The following ARHGAP21 variants were observed in gnomAD, a reference collection of about 807,000 sequenced individuals.
The protein encoded by ARHGAP21 is Rho GTPase activating protein 21, also known as rho GTPase-activating protein 21.
Under a neutral mutation model 164.6 loss-of-function variants are expected in ARHGAP21, and 38 were observed. That is an observed-to-expected ratio of 0.23 (90% CI 0.18 to 0.30). ARHGAP21 has a LOEUF of 0.30. ARHGAP21 is among the 10% of genes least tolerant of loss of function. The probability of loss-of-function intolerance (pLI) is 1.00; values close to 1 mark genes in which losing one functional copy is unlikely to be tolerated. For missense variants in ARHGAP21, 1,822 were observed against 2,370.7 expected (o/e 0.77, Z 4.81); for synonymous variants, 766 against 857.9 (o/e 0.89, Z 1.87).
chr10:24,717,793 G>A (rs1170035344), intron 2 of ARHGAP21, among the ~76,000 whole-genome samples: 3 of 152,134 alleles, frequency 2.0e-5, no homozygotes, highest in East Asian at 3.9e-4. Flanking sequence ...ACAGTGGCGC[G>A]ATTTTGGCTA....
At position 24,620,140 on chromosome 10, in the gene ARHGAP21, T is replaced by G; in HGVS notation, c.1755A>C (p.Lys585Asn). 6.2e-7 allele frequency: 1 copy of G among 1,614,000 alleles called. No homozygotes were observed. The highest frequency in any genetic ancestry group is 8.5e-7 in the Non-Finnish European group (1 of 1,179,868). Residue 585 changes from lysine to asparagine, a missense_variant, in exon 9 of 26, where the codon AAA becomes AAC. Transcript: ENST00000396432. ...RGVGSVSQFK[K>N]IPPDLKTLQS... is the part of the protein sequence containing the mutation. ...GCAATGTTTTTAGATCTGGTGGAAT[T>G]TTTTTAAACTGCGACACAGATCCCA... is the stretch of plus-strand genomic sequence containing the variant.
Position 24,596,870 on chromosome 10 carries a change from G to A in ARHGAP21, c.3347C>T (p.Pro1116Leu), listed in dbSNP as rs775445630. 4 of 1,602,858 alleles carry A rather than the reference G, an allele frequency of 2.5e-6. No homozygotes were observed. Among genetic ancestry groups the A allele is most frequent in the South Asian group, 2.3e-5 (2 of 88,836 alleles). Residue 1116 changes from proline to leucine, a missense_variant, in exon 17 of 26, where the codon CCC becomes CTC. Transcript: ENST00000396432. ...RKLLSKDDTS[P>L]PKDKGTWRKG... ...TCTCCATGTGCCTTTGTCTTTTGGG[G>A]GACTGGTATCATCTTTTGATTGCCA...
chr10:24,589,330 A>T, intron 24 of ARHGAP21, 28 bp from the exon 25 acceptor site: 3 of 1,592,414 alleles, frequency 1.9e-6, no homozygotes, highest in Non-Finnish European at 2.6e-6. Context: ...AAACATGGTC[A>T]GTATTAGCCA....
In ARHGAP21 at chr10:24,633,278, A is replaced by G. The variant is rs544721863; in HGVS notation, c.440+124T>C. On this transcript the variant is annotated intron_variant, in intron 6 of 25. Transcript: ENST00000396432. ...GGCAACTCTCAAATGCATTATATCTAAGGGAAAGTTCCACATCTCCTTGTC... is the reference window on the plus strand; with the variant it reads ...GGCAACTCTCAAATGCATTATATCTGAGGGAAAGTTCCACATCTCCTTGTC... The G allele has an allele frequency of 8.8e-6, 6 of 679,418 alleles. No individual in the cohort carries two copies. The African/African-American group carries it at 9.1e-5, about 10-fold the overall frequency. 42.1% of individuals were successfully genotyped at this position (679,418 alleles called of 1,614,324 possible).
chr10:24,603,737 C>T (rs2076909883), intron 12 of ARHGAP21, among the ~76,000 whole-genome samples: 1 of 152,136 alleles, frequency 6.6e-6, no homozygotes, highest in Non-Finnish European at 1.5e-5. Context: ...GTGGCTCACA[C>T]CTGTAATCCC....
intron 2 of ARHGAP21, among the ~76,000 whole-genome samples, chr10:24,701,481 G>C (rs1843666340): frequency 6.6e-6 from 1 of 152,008 alleles, no homozygotes; most frequent in South Asian, 2.1e-4. Flanking sequence ...TCTTAAATTG[G>C]AACAGAACAT....
At chr10:24,716,484 C>T (rs375222103) in intron 2 of ARHGAP21, among the ~76,000 whole-genome samples, 84 of 152,254 alleles carry the variant, frequency 5.5e-4, no homozygotes, top group African/African-American at 1.9e-3. Flanking sequence ...GGGACTCCCA[C>T]GTTTGTGTAC....
At chr10:24,607,638 A>T in intron 10 of ARHGAP21, 37 bp from the exon 11 acceptor site, 1 of 1,611,254 alleles carries the variant, frequency 6.2e-7, no homozygotes, top group African/African-American at 1.3e-5. Flanking sequence ...AGACATTCAC[A>T]AGTGGTTCCC....
In ARHGAP21 at chr10:24,616,631, T is replaced by C. The variant is rs12570930; in HGVS notation, c.2422+2842A>G. Among the ~76,000 whole-genome samples, 230 of 152,242 alleles carry C rather than the reference T, an allele frequency of 1.5e-3. 5 individuals carry two copies. In the East Asian group the frequency reaches 0.038, roughly 25 times the overall value. Reference sequence around the variant, plus strand: ...GGAGTCTTAAGAGATATGACAAAACTATGGAGAAAGAAAGTTAAGATGAAA... The same window carrying C: ...GGAGTCTTAAGAGATATGACAAAACCATGGAGAAAGAAAGTTAAGATGAAA... On this transcript the variant is annotated intron_variant, in intron 9 of 25. Coordinates refer to ENST00000396432, the MANE Select transcript of ARHGAP21 (RefSeq NM_020824.4).
In ARHGAP21 at chr10:24,722,951, A is replaced by G. The variant is rs992148191; in HGVS notation, c.-381+611T>C. 3.3e-5 allele frequency among the ~76,000 whole-genome samples: 5 copies of G among 151,822 alleles called. No individual in the cohort carries two copies. In the South Asian group the frequency reaches 8.3e-4, roughly 25 times the overall value. ...CTCTGAAGTCGCGGCTTTTCCCCCA[A>G]CTACCACTCGACACGGCTTCCCTTC... On this transcript the variant is annotated intron_variant, in intron 1 of 25. Coordinates refer to ENST00000396432, the MANE Select transcript of ARHGAP21 (RefSeq NM_020824.4).
chr10:24,669,373 T>C (rs1840484907), intron 3 of ARHGAP21, among the ~76,000 whole-genome samples: 1 of 152,182 alleles, frequency 6.6e-6, no homozygotes, highest in Non-Finnish European at 1.5e-5. Flanking sequence ...TGTAATACTC[T>C]AGTTCAATTC....
At chr10:24,679,239 A>G (rs1299365858) in intron 2 of ARHGAP21, among the ~76,000 whole-genome samples, 4 of 152,210 alleles carry the variant, frequency 2.6e-5, no homozygotes, top group Non-Finnish European at 1.5e-5. Context: ...ATGGTTCTAG[A>G]GGCCCAGGAA....
chr10:24,710,713 G>C (rs1156366609), intron 2 of ARHGAP21, among the ~76,000 whole-genome samples: 2 of 152,164 alleles, frequency 1.3e-5, no homozygotes, highest in Non-Finnish European at 2.9e-5. Flanking sequence ...GATCAAATTT[G>C]AATCATTTTT....
chr10:24,600,774 C>T lies in ARHGAP21; in HGVS notation c.3004G>A (p.Glu1002Lys). ...NACLIDISYS[E>K]TKRKNVFRLT... is the part of the protein sequence containing the mutation. ...CGAAACACATTTTTCCTCTTGGTCT[C>T]ACTGTAAGAGATGTCTATCAAGCAA... is the stretch of plus-strand genomic sequence containing the variant. Residue 1002 changes from glutamate to lysine, a missense_variant, in exon 14 of 26, where the codon GAG (glutamate) becomes AAG (lysine). Coordinates refer to ENST00000396432, the MANE Select transcript of ARHGAP21 (RefSeq NM_020824.4). 6.2e-7 allele frequency: 1 copy of T among 1,614,030 alleles called. No individual in the cohort carries two copies. The highest frequency in any genetic ancestry group is 8.5e-7 in the Non-Finnish European group (1 of 1,179,930).
chr10:24,622,440 ATATATATATATATATATATAT>A (rs1834658341), intron 8 of ARHGAP21, among the ~76,000 whole-genome samples: 1 of 8,596 alleles, frequency 1.2e-4, no homozygotes, highest in African/African-American at 5.3e-4. Context: ...AAACATATAT[ATATATATATATATATATATAT>A]ATATATATAT....
chr10:24,643,820 G>C (rs539158444), intron 4 of ARHGAP21, among the ~76,000 whole-genome samples: 16 of 152,134 alleles, frequency 1.1e-4, no homozygotes, highest in South Asian at 4.1e-4. Context: ...AAAGTCTCTT[G>C]CTTGCATTTT....
intron 25 of ARHGAP21, among the ~76,000 whole-genome samples, chr10:24,588,806 A>T (rs1308501498): frequency 6.6e-6 from 1 of 152,222 alleles, no homozygotes; most frequent in Non-Finnish European, 1.5e-5. Flanking sequence ...GTCTGTAAAA[A>T]TGCATAACAA....
intron 14 of ARHGAP21, among the ~76,000 whole-genome samples, chr10:24,598,234 C>A (rs980302417): frequency 2.6e-5 from 4 of 152,038 alleles, no homozygotes; most frequent in South Asian, 2.1e-4. Context: ...TGTATCCATG[C>A]GATACCTAGG....
chr10:24,692,423 T>C (rs1842827479), intron 2 of ARHGAP21, among the ~76,000 whole-genome samples: 1 of 152,236 alleles, frequency 6.6e-6, no homozygotes, highest in Admixed American at 6.5e-5. Flanking sequence ...TTTTAAGTAA[T>C]TTTAATTTTC....
Sources: allele counts gnomAD v4.1 joint callset (sites outside exome capture counted in the v4.1 genomes callset), GRCh38; gene constraint gnomAD v4.1.1; transcripts MANE v1.5; gene names NCBI Gene and HGNC (gene_info 2026-07-23, HGNC 2026-07-21).